ANKS1B: variants seen among roughly 807,000 people sequenced by gnomAD.
ANKS1B encodes the protein ankyrin repeat and sterile alpha motif domain-containing protein 1B.
ANKS1B carries 36 observed loss-of-function variants against 148.3 expected under a neutral mutation model. The ratio of observed to expected loss-of-function variants is 0.24; its 90% CI spans 0.19 to 0.32. The LOEUF (loss-of-function observed/expected upper bound fraction) is 0.32. ANKS1B is among the 10% of genes least tolerant of loss of function. The pLI is 1.00. For missense variants in ANKS1B, 1,157 were observed against 1,542.6 expected (o/e 0.75, Z 4.19); for synonymous variants, 542 against 560.8 (o/e 0.97, Z 0.47).
At chr12:99,569,984 C>G (rs888874643) in intron 9 of ANKS1B, among the ~76,000 whole-genome samples, 3 of 152,150 alleles carry the variant, frequency 2.0e-5, no homozygotes, top group African/African-American at 7.2e-5. Context: ...AACTGTTGCT[C>G]AGACTTTTAT....
At chr12:98,753,914 G>A (rs776399983) in intron 25 of ANKS1B, among the ~76,000 whole-genome samples, 5 of 152,186 alleles carry the variant, frequency 3.3e-5, no homozygotes, top group Non-Finnish European at 7.3e-5. Context: ...ATGTGTTTGC[G>A]ATTGTTCGCA....
rs540230664 is a variant in ANKS1B, at chr12:99,408,110, T to A, written c.1576-8299A>T. ...CTGACTTCAAGTTATACTACCAAGCTATAGTAACCAAAACAGCATGGTTCT... is the reference window on the plus strand; with the variant it reads ...CTGACTTCAAGTTATACTACCAAGCAATAGTAACCAAAACAGCATGGTTCT... On this transcript the variant is annotated intron_variant, in intron 11 of 26. Transcript: ENST00000683438. 1.9e-4 allele frequency among the ~76,000 whole-genome samples: 28 copies of A among 145,920 alleles called. 2 individuals carry two copies. The highest frequency in any genetic ancestry group is 3.6e-4 in the Non-Finnish European group (24 of 66,074).
chr12:99,581,070 A>C (rs1056539344), intron 9 of ANKS1B, among the ~76,000 whole-genome samples: 1 of 152,182 alleles, frequency 6.6e-6, no homozygotes, highest in Non-Finnish European at 1.5e-5. Context: ...TTCTAAGATA[A>C]ATAAGGAAAC....
At chr12:99,167,958 T>G (rs1041803567) in intron 14 of ANKS1B, among the ~76,000 whole-genome samples, 2 of 152,208 alleles carry the variant, frequency 1.3e-5, no homozygotes, top group Non-Finnish European at 2.9e-5. Context: ...AAGAATACAT[T>G]CTGTATGATT....
chr12:99,837,500 C>T (rs965328149), intron 1 of ANKS1B, among the ~76,000 whole-genome samples: 1 of 152,092 alleles, frequency 6.6e-6, no homozygotes, highest in Non-Finnish European at 1.5e-5. Context: ...ACATTGACTG[C>T]GGACTTGCTA....
chr12:99,141,939 A>G (rs1204183466), intron 15 of ANKS1B, among the ~76,000 whole-genome samples: 3 of 151,908 alleles, frequency 2.0e-5, no homozygotes, highest in Non-Finnish European at 2.9e-5. Context: ...CCCATGGAGC[A>G]AGCTTTTGGT....
chr12:99,797,173 C>T (rs1471365034), intron 4 of ANKS1B, among the ~76,000 whole-genome samples: 1 of 151,866 alleles, frequency 6.6e-6, no homozygotes, highest in Non-Finnish European at 1.5e-5. Context: ...TAATAATTTC[C>T]TTCTTTTCAT....
intron 19 of ANKS1B, among the ~76,000 whole-genome samples, chr12:98,821,068 A>G (rs536026266): frequency 2.6e-5 from 4 of 152,342 alleles, no homozygotes; most frequent in East Asian, 1.9e-4. Flanking sequence ...CCTCACAACA[A>G]TGATGTGGGG....
chr12:99,567,445 C>T (rs1156472117), intron 9 of ANKS1B, among the ~76,000 whole-genome samples: 3 of 151,890 alleles, frequency 2.0e-5, no homozygotes, highest in South Asian at 2.1e-4. Context: ...CCATCAAGAG[C>T]CCCCCGACAC....
At chr12:99,148,153 G>A (rs1200868807) in intron 15 of ANKS1B, among the ~76,000 whole-genome samples, 2 of 152,042 alleles carry the variant, frequency 1.3e-5, no homozygotes, top group African/African-American at 4.8e-5. Flanking sequence ...AGCAGCTTTG[G>A]TAACTTTTCT....
chr12:98,922,765 C>G (rs958194615), intron 17 of ANKS1B, among the ~76,000 whole-genome samples: 2 of 152,192 alleles, frequency 1.3e-5, no homozygotes, highest in East Asian at 3.9e-4. Flanking sequence ...TCCCAAAGTG[C>G]TGGGATGACA....
chr12:98,935,155 T>G (rs2099817341), intron 17 of ANKS1B, among the ~76,000 whole-genome samples: 1 of 152,198 alleles, frequency 6.6e-6, no homozygotes, highest in Admixed American at 6.5e-5. Context: ...GTAATTTCTT[T>G]CTGTTTCTAG....
rs577171851 is a variant in ANKS1B at position 99,332,048 on chromosome 12, A to G, written c.1756+67583T>C. ...CACCACTAAGTAGTCCTTCCGTTCT[A>G]TTGAGTTCCTTCCACAGTTTGTTCC... On this transcript the variant is annotated intron_variant, in intron 12 of 26. Transcript: ENST00000683438. 7.9e-5 allele frequency among the ~76,000 whole-genome samples: 12 copies of G among 152,144 alleles called. No individual in the cohort carries two copies. The South Asian group carries it at 2.3e-3, about 29-fold the overall frequency.
chr12:99,119,113 T>A (rs1224676937), intron 15 of ANKS1B, among the ~76,000 whole-genome samples: 1 of 152,146 alleles, frequency 6.6e-6, no homozygotes, highest in Non-Finnish European at 1.5e-5. Context: ...AACTTAAGGA[T>A]CCTGAGATGG....
At chr12:99,878,938 A>G (rs1404335582) in intron 1 of ANKS1B, among the ~76,000 whole-genome samples, 1 of 151,682 alleles carries the variant, frequency 6.6e-6, no homozygotes, top group Non-Finnish European at 1.5e-5. Flanking sequence ...TCTGAGCTTT[A>G]TTTTGTTATT....
chr12:99,689,184 C>T (rs1385798079), intron 8 of ANKS1B, among the ~76,000 whole-genome samples: 5 of 152,148 alleles, frequency 3.3e-5, no homozygotes, highest in African/African-American at 4.8e-5. Context: ...TTTCACTCTA[C>T]CACTAGATTA....
At chr12:99,318,677 C>A (rs1373716275) in intron 12 of ANKS1B, among the ~76,000 whole-genome samples, 1 of 151,734 alleles carries the variant, frequency 6.6e-6, no homozygotes, top group Non-Finnish European at 1.5e-5. Context: ...TCCTTCAGTT[C>A]TTCTCTGATC....
At chr12:99,641,449 A>G (rs1045284909) in intron 9 of ANKS1B, among the ~76,000 whole-genome samples, 11 of 152,160 alleles carry the variant, frequency 7.2e-5, no homozygotes, top group African/African-American at 2.7e-4. Flanking sequence ...CTGGCACAAA[A>G]TTATAAACAG....
chr12:98,864,413 C>A (rs181217841), intron 17 of ANKS1B, among the ~76,000 whole-genome samples: 30 of 152,250 alleles, frequency 2.0e-4, no homozygotes, highest in African/African-American at 7.0e-4. Context: ...TCACAGTGCC[C>A]AGATATGTGA....
Sources: gnomAD v4.1 joint callset for allele counts (sites outside exome capture counted in the v4.1 genomes callset) on GRCh38, gnomAD v4.1.1 for gene constraint, MANE v1.5 for transcripts, NCBI Gene and HGNC (gene_info 2026-07-23, HGNC 2026-07-21) for gene names.